POGLUT2: variants seen among roughly 807,000 people sequenced by gnomAD.
The protein encoded by POGLUT2 is protein O-glucosyltransferase 2.
POGLUT2 carries 47 observed loss-of-function variants against 57.6 expected under a neutral mutation model. The ratio of observed to expected loss-of-function variants is 0.82; its 90% confidence interval spans 0.65 to 1.04. POGLUT2 has a LOEUF of 1.04. POGLUT2 is among the 50% of genes least tolerant of loss of function. The pLI is 0.00. For synonymous variants in POGLUT2, 200 were observed against 218.8 expected (o/e 0.91, Z 0.76); for missense variants, 565 against 614.8 (o/e 0.92, Z 0.86).
At chr13:102,795,453 C>T (rs1878341344) in intron 2 of POGLUT2, among the ~76,000 whole-genome samples, 1 of 151,938 alleles carries the variant, frequency 6.6e-6, no homozygotes, top group Middle Eastern at 3.2e-3. Context: ...GTCCCAGCTA[C>T]TCATGCAGCT....
At chr13:102,786,426 T>G (rs1008182484) in intron 8 of POGLUT2, 87 bp from the exon 9 acceptor site, 1 of 856,516 alleles carries the variant, frequency 1.2e-6, no homozygotes, top group Non-Finnish European at 2.0e-6. Flanking sequence ...AAGACTATGA[T>G]TCATTTAACT....
intron 6 of POGLUT2, among the ~76,000 whole-genome samples, chr13:102,790,151 T>C (rs1418233958): frequency 6.6e-6 from 1 of 152,236 alleles, no homozygotes; most frequent in Non-Finnish European, 1.5e-5. Flanking sequence ...AGAAAAATAC[T>C]GACAATTCAA....
chr13:102,793,194 C>A, intron 4 of POGLUT2, 147 bp downstream of exon 4: 1 of 560,304 alleles, frequency 1.8e-6, no homozygotes, highest in Non-Finnish European at 3.2e-6. Context: ...ACGCAGGTAC[C>A]TGAAATAACA....
chr13:102,798,663 C>T lies in POGLUT2; in HGVS notation c.8G>A (p.Gly3Asp), dbSNP rs201869740. 21 of 1,591,460 alleles carry T rather than the reference C, an allele frequency of 1.3e-5. No homozygotes were observed. In the African/African-American group the frequency reaches 2.8e-4, roughly 22 times the overall value. MF[G>D]TLLLYCFFLA... The stretch of plus-strand genomic sequence containing the variant: ...AAAGAAGCAATAAAGTAGCAAAGTG[C>T]CAAACATTTACAAGACGGACTCTCG... Residue 3 changes from glycine to aspartate, a missense_variant, in exon 1 of 10, where the codon GGC becomes GAC. Gly to Asp is a moderately conservative substitution (Grantham distance 94). Coordinates refer to ENST00000376004, the MANE Select transcript of POGLUT2 (RefSeq NM_024089.3).
At chr13:102,791,974 A>C in intron 4 of POGLUT2, 1 of 1,287,018 alleles carries the variant, frequency 7.8e-7, no homozygotes, top group South Asian at 1.2e-5. Context: ...ATACATTTTT[A>C]AGGCCAGAAA....
chr13:102,798,756 C>G lies in POGLUT2; in HGVS notation c.-86G>C, dbSNP rs1361139211. 2.2e-6 allele frequency: 3 copies of G among 1,350,598 alleles called. No homozygotes were observed. Among genetic ancestry groups the G allele is most frequent in the East Asian group, 5.2e-5 (2 of 38,364 alleles). 83.7% of individuals were successfully genotyped at this position (1,350,598 alleles called of 1,614,324 possible). On this transcript the variant is annotated 5_prime_UTR_variant, in exon 1 of 10. Coordinates refer to ENST00000376004, the MANE Select transcript of POGLUT2 (RefSeq NM_024089.3). Reference sequence around the variant, plus strand: ...AAGCAGCCGAGCCTTCGGCAGGGACCCGCCGGCCGATCGCAGCAGCCAACG... The same window carrying G: ...AAGCAGCCGAGCCTTCGGCAGGGACGCGCCGGCCGATCGCAGCAGCCAACG...
At chr13:102,793,837 G>T in intron 2 of POGLUT2, 31 bp from the exon 3 acceptor site, 1 of 1,571,216 alleles carries the variant, frequency 6.4e-7, no homozygotes, top group Non-Finnish European at 8.8e-7. Context: ...AAGTACAACA[G>T]TGATCATTTC....
rs777426462 is a variant in POGLUT2, at chr13:102,789,230, C to A, written c.1084-9G>T. The A allele has an allele frequency of 1.9e-6, 3 of 1,609,656 alleles. No homozygotes were observed. In the South Asian group the frequency reaches 3.3e-5, roughly 18 times the overall value. ...TTTATTTGATACTTATGCTGCAAAA[C>A]AATGGTAAAGTCTAAGAACCTCTAT... On this transcript the variant is annotated splice_polypyrimidine_tract_variant and intron_variant, in intron 6 of 9. Transcript: ENST00000376004.
chr13:102,790,624 G>T (rs1017431326), intron 6 of POGLUT2, among the ~76,000 whole-genome samples: 1 of 152,140 alleles, frequency 6.6e-6, no homozygotes, highest in Non-Finnish European at 1.5e-5. Context: ...CATATTTGGA[G>T]GTGACATGTG....
chr13:102,787,448 G>C (rs1436110421), intron 8 of POGLUT2, among the ~76,000 whole-genome samples: 1 of 152,196 alleles, frequency 6.6e-6, no homozygotes, highest in African/African-American at 2.4e-5. Flanking sequence ...GGAAGTCATG[G>C]CTCATACAGA....
rs377755474 is a variant in POGLUT2 at position 102,786,259 on chromosome 13, G to A, written c.1464C>T (p.Leu488=). The A allele has an allele frequency of 1.2e-6, 2 of 1,613,416 alleles. No individual in the cohort carries two copies. Among genetic ancestry groups the A allele is most frequent in the Non-Finnish European group, 1.7e-6 (2 of 1,179,306 alleles). The change falls in exon 9 of 10, where the codon CTC becomes CTT. Residue 488 remains leucine (L), a synonymous_variant. Coordinates refer to ENST00000376004, the MANE Select transcript of POGLUT2 (RefSeq NM_024089.3). Reference sequence around the variant, plus strand: ...TTTTCCTATGGCAAGTACAAGGGAAGAGGTCGTCCTCAGTCTGTGGTTCTA... The same window carrying A: ...TTTTCCTATGGCAAGTACAAGGGAAAAGGTCGTCCTCAGTCTGTGGTTCTA... The part of the protein sequence containing the change: ...KRVEPQTEDD[L]FPCTCHRKKT...
At chr13:102,790,312 C>T (rs1878117993) in intron 6 of POGLUT2, among the ~76,000 whole-genome samples, 4 of 152,206 alleles carry the variant, frequency 2.6e-5, no homozygotes, top group Admixed American at 2.6e-4. Flanking sequence ...TCCCACCTCT[C>T]TCTCTACCAT....
chr13:102,786,388 C>T, intron 8 of POGLUT2, 49 bp from the exon 9 acceptor site: 1 of 1,162,816 alleles, frequency 8.6e-7, no homozygotes, highest in Admixed American at 1.7e-5. Context: ...ACTTTATATC[C>T]ACCCAATGAG....
At position 102,784,424 on chromosome 13, in the gene POGLUT2, A is replaced by T. The variant is rs192097512; in HGVS notation, c.*71T>A. ...TATATTGTCCATGGAATTAATACTT[A>T]AAAAAATTCTTCTTTTTAGTTAAGA... On this transcript the variant is annotated 3_prime_UTR_variant, in exon 10 of 10. Coordinates refer to ENST00000376004, the MANE Select transcript of POGLUT2 (RefSeq NM_024089.3). 360 of 920,710 alleles carry T rather than the reference A, an allele frequency of 3.9e-4. 1 individual carries two copies. The African/African-American group carries it at 5.0e-3, about 13-fold the overall frequency. The allele number at this position is 920,710 out of a possible 1,614,324, so 57.0% of individuals were successfully genotyped here.
intron 9 of POGLUT2, among the ~76,000 whole-genome samples, chr13:102,784,804 A>T (rs553584054): frequency 6.6e-6 from 1 of 152,240 alleles, no homozygotes; most frequent in Non-Finnish European, 1.5e-5. Context: ...AGCAAAAAAT[A>T]AACGAAGCTA....
chr13:102,790,715 C>T (rs749630134), intron 6 of POGLUT2, among the ~76,000 whole-genome samples, 186 bp downstream of exon 6: 2 of 152,172 alleles, frequency 1.3e-5, no homozygotes, highest in African/African-American at 2.4e-5. Context: ...AATATCAAGA[C>T]TGGGCAGTGA....
At chr13:102,789,755 G>A (rs923122747) in intron 6 of POGLUT2, among the ~76,000 whole-genome samples, 1 of 152,048 alleles carries the variant, frequency 6.6e-6, no homozygotes, top group African/African-American at 2.4e-5. Context: ...GCACCACCAC[G>A]CCCAGCTAAT....
chr13:102,791,542 C>T (rs1878179475), intron 4 of POGLUT2, 112 bp from the exon 5 acceptor site: 1 of 1,001,054 alleles, frequency 1.0e-6, no homozygotes, highest in Non-Finnish European at 1.5e-6. Flanking sequence ...TTACATGTTT[C>T]AGGTAATAAT....
chr13:102,786,873 G>A (rs1270853882), intron 8 of POGLUT2, among the ~76,000 whole-genome samples: 1 of 152,082 alleles, frequency 6.6e-6, no homozygotes, highest in Non-Finnish European at 1.5e-5. Flanking sequence ...ATCAAGGGAA[G>A]GTTACAAAAT....
Sources: allele counts gnomAD v4.1 joint callset (sites outside exome capture counted in the v4.1 genomes callset), GRCh38; gene constraint gnomAD v4.1.1; transcripts MANE v1.5; gene names NCBI Gene and HGNC (gene_info 2026-07-23, HGNC 2026-07-21).